Variants in SORCS2 observed in about 807,000 individuals in gnomAD.
The protein encoded by SORCS2 is VPS10 domain-containing receptor SorCS2.
SORCS2 carries 100 observed loss-of-function variants against 141.6 expected under a neutral mutation model. That is an observed-to-expected ratio of 0.71 (90% CI 0.60 to 0.83). The LOEUF is 0.83. Ranked by LOEUF, SORCS2 falls within the 40% of genes least tolerant of loss-of-function variation. The pLI, the probability that SORCS2 is intolerant of heterozygous loss-of-function variation, is 0.00. For synonymous variants in SORCS2, 789 were observed against 676.9 expected (o/e 1.17, Z -2.57); for missense variants, 1,646 against 1,560.2 (o/e 1.05, Z -0.93).
At chr4:7,559,334 G>T (rs923650319) in intron 3 of SORCS2, among the ~76,000 whole-genome samples, 1 of 152,202 alleles carries the variant, frequency 6.6e-6, no homozygotes, top group African/African-American at 2.4e-5. Flanking sequence ...GCTCTGTGAA[G>T]CTGGATTGAA....
chr4:7,463,333 G>T (rs998279198), intron 2 of SORCS2, among the ~76,000 whole-genome samples: 5 of 152,188 alleles, frequency 3.3e-5, no homozygotes, highest in African/African-American at 9.7e-5. Flanking sequence ...TAGTCCAGCT[G>T]TGTGACCTTG....
intron 4 of SORCS2, among the ~76,000 whole-genome samples, chr4:7,642,799 G>A (rs1560450525): frequency 6.6e-6 from 1 of 152,176 alleles, no homozygotes; most frequent in Non-Finnish European, 1.5e-5. Context: ...GGTGGAGTTT[G>A]CGTCCCCATA....
At chr4:7,237,390 C>T (rs116324490) in intron 1 of SORCS2, among the ~76,000 whole-genome samples, 1,760 of 152,304 alleles carry the variant, frequency 0.012, 36 homozygotes, top group African/African-American at 0.04. Context: ...CCCCTCTTGG[C>T]TGCTGGTCTC....
At chr4:7,471,044 T>G (rs2109345501) in intron 2 of SORCS2, among the ~76,000 whole-genome samples, 1 of 152,108 alleles carries the variant, frequency 6.6e-6, no homozygotes, top group East Asian at 1.9e-4. Flanking sequence ...GGGGGCTGCC[T>G]GCGAAAACCC....
At chr4:7,458,129 G>C (rs954393132) in intron 2 of SORCS2, among the ~76,000 whole-genome samples, 3 of 152,150 alleles carry the variant, frequency 2.0e-5, no homozygotes, top group East Asian at 1.9e-4. Flanking sequence ...GGGAGGGAAG[G>C]GTCTTCCGGA....
intron 1 of SORCS2, among the ~76,000 whole-genome samples, chr4:7,269,457 T>G (rs1330173152): frequency 6.6e-6 from 1 of 152,238 alleles, no homozygotes; most frequent in Non-Finnish European, 1.5e-5. Flanking sequence ...AAATCAGATC[T>G]TTATGGATGG....
chr4:7,536,313 G>T (rs752842292), intron 3 of SORCS2, among the ~76,000 whole-genome samples: 37 of 152,192 alleles, frequency 2.4e-4, no homozygotes, highest in Non-Finnish European at 5.0e-4. Flanking sequence ...CTAGAATCAA[G>T]CCCGGCACAC....
chr4:7,204,496 G>A (rs946288369), intron 1 of SORCS2, among the ~76,000 whole-genome samples: 1 of 152,152 alleles, frequency 6.6e-6, no homozygotes, highest in Non-Finnish European at 1.5e-5. Context: ...GAGATTGTAG[G>A]CGTGAGCCAC....
intron 3 of SORCS2, among the ~76,000 whole-genome samples, chr4:7,634,852 T>G (rs1319457384): frequency 6.6e-6 from 1 of 152,176 alleles, no homozygotes; most frequent in Non-Finnish European, 1.5e-5. Context: ...CCCTGCAGCC[T>G]TCCTCCCAAG....
chr4:7,405,803 TC>T (rs1424831006), intron 2 of SORCS2, among the ~76,000 whole-genome samples: 1 of 152,166 alleles, frequency 6.6e-6, no homozygotes, highest in Non-Finnish European at 1.5e-5. Flanking sequence ...TTTTACTTCC[TC>T]TTTTCCAATT....
chr4:7,489,959 C>G (rs1352498896), intron 2 of SORCS2, among the ~76,000 whole-genome samples: 1 of 152,158 alleles, frequency 6.6e-6, no homozygotes, highest in Non-Finnish European at 1.5e-5. Context: ...AGGCTGGGTT[C>G]TCCTTCTATA....
At position 7,639,170 on chromosome 4, in the gene SORCS2, T is replaced by C. The variant is rs553866729; in HGVS notation, c.813+678T>C. Among the ~76,000 whole-genome samples, 3 of 152,306 alleles carry C rather than the reference T, an allele frequency of 2.0e-5. No individual in the cohort carries two copies. In the East Asian group the frequency reaches 5.8e-4, roughly 29 times the overall value. On this transcript the variant is annotated intron_variant, in intron 4 of 26. Transcript: ENST00000507866. ...CCTTTTCTGCAGCCGTGGGAACAAA[T>C]GGCCACAGGCTCTAGCTTAAGCAAC...
intron 3 of SORCS2, among the ~76,000 whole-genome samples, chr4:7,591,963 C>T (rs994679139): frequency 4.6e-5 from 7 of 152,124 alleles, no homozygotes; most frequent in Non-Finnish European, 8.8e-5. Context: ...TTTCAGCCGA[C>T]CAACAGAAAA....
intron 1 of SORCS2, among the ~76,000 whole-genome samples, chr4:7,240,786 G>A (rs1560133847): frequency 6.6e-6 from 1 of 152,168 alleles, no homozygotes; most frequent in African/African-American, 2.4e-5. Context: ...TGCCCGCTGT[G>A]GTGCTGTCTC....
intron 1 of SORCS2, among the ~76,000 whole-genome samples, chr4:7,363,479 A>G (rs998524030): frequency 9.9e-5 from 14 of 142,036 alleles, no homozygotes; most frequent in Admixed American, 2.1e-4. Context: ...CATCACCGTC[A>G]CCATAACCAT....
intron 1 of SORCS2, among the ~76,000 whole-genome samples, chr4:7,224,779 C>T (rs1030707644): frequency 1.3e-5 from 2 of 152,140 alleles, no homozygotes; most frequent in African/African-American, 2.4e-5. Flanking sequence ...CTGTGGACCT[C>T]CCACTCCCTC....
chr4:7,682,215 C>T (rs1723564520), intron 9 of SORCS2, among the ~76,000 whole-genome samples: 1 of 152,166 alleles, frequency 6.6e-6, no homozygotes, highest in Admixed American at 6.5e-5. Flanking sequence ...GAGCCCTGTC[C>T]CGGGTGTTCT....
At chr4:7,371,556 C>G (rs1489737148) in intron 1 of SORCS2, among the ~76,000 whole-genome samples, 1 of 152,182 alleles carries the variant, frequency 6.6e-6, no homozygotes, top group Non-Finnish European at 1.5e-5. Context: ...TAGGTTGTTT[C>G]TTTTTCCCGG....
intron 2 of SORCS2, among the ~76,000 whole-genome samples, chr4:7,429,626 G>A (rs116533845): frequency 0.015 from 2,285 of 152,318 alleles, 62 homozygotes; most frequent in African/African-American, 0.053. Context: ...TGCACCCGGC[G>A]GGCCCCTCCC....
Sources: allele counts gnomAD v4.1 joint callset (sites outside exome capture counted in the v4.1 genomes callset), GRCh38; gene constraint gnomAD v4.1.1; transcripts MANE v1.5; gene names NCBI Gene and HGNC (gene_info 2026-07-23, HGNC 2026-07-21).